PDCD11: variants seen among roughly 807,000 people sequenced by gnomAD.
PDCD11 encodes programmed cell death 11.
A neutral mutation model predicts 198.9 loss-of-function variants in PDCD11; 97 were observed. The observed-to-expected ratio is 0.49, with a 90% CI of 0.41 to 0.58. The LOEUF (loss-of-function observed/expected upper bound fraction) is 0.58, where lower values mean the gene tolerates loss of function less well. PDCD11 is among the 20% of genes least tolerant of loss of function. The pLI, the probability that PDCD11 is intolerant of heterozygous loss-of-function variation, is 0.00. For missense variants in PDCD11, 2,102 were observed against 2,312.7 expected, an observed-to-expected ratio of 0.91 and a Z score of 1.87; for synonymous variants, 893 against 918.0, an observed-to-expected ratio of 0.97 and a Z score of 0.49.
chr10:103,413,415 C>A, intron 9 of PDCD11, 93 bp downstream of exon 9: 1 of 1,017,694 alleles, frequency 9.8e-7, no homozygotes, highest in Non-Finnish European at 1.5e-6. Context: ...TTCCTTGATG[C>A]TAGTTTAAAA....
intron 8 of PDCD11, 76 bp from the exon 9 acceptor site, chr10:103,413,040 C>A: frequency 8.9e-7 from 1 of 1,118,784 alleles, no homozygotes; most frequent in Non-Finnish European, 1.4e-6. Flanking sequence ...TGTGGAAAGG[C>A]TTGATGCCTG....
chr10:103,444,813 C>G, intron 35 of PDCD11, 131 bp downstream of exon 35: 1 of 809,914 alleles, frequency 1.2e-6, no homozygotes, highest in Non-Finnish European at 2.0e-6. Flanking sequence ...TGCCCCAGGC[C>G]CAGTGACATT....
intron 21 of PDCD11, among the ~76,000 whole-genome samples, chr10:103,429,608 A>C (rs1203778960): frequency 6.6e-6 from 1 of 151,892 alleles, no homozygotes; most frequent in African/African-American, 2.4e-5. Context: ...CAGATGAGTA[A>C]TTTTTTACAG....
Position 103,409,793 on chromosome 10 carries a change from T to G in PDCD11, c.965T>G (p.Phe322Cys), listed in dbSNP as rs756493896. ...HLDPKKAGTY[F>C]SNQAVRACIL... is the part of the protein sequence containing the mutation. ...GATCCCAAGAAAGCTGGAACATATT[T>G]CTCAAATCAGGCAGTAAGAAATGTT... Residue 322 changes from phenylalanine (F) to cysteine (C), a missense_variant, in exon 8 of 36, where the codon TTC (phenylalanine) becomes TGC (cysteine). Transcript: ENST00000369797. The G allele has an allele frequency of 6.2e-7, 1 of 1,612,102 alleles. No individual in the cohort carries two copies. The highest frequency in any genetic ancestry group is 1.1e-5 in the South Asian group (1 of 91,030).
chr10:103,401,760 C>T (rs1031632713), intron 3 of PDCD11, among the ~76,000 whole-genome samples: 40 of 150,128 alleles, frequency 2.7e-4, no homozygotes, highest in Non-Finnish European at 2.8e-4. Context: ...TTTTTTGAGA[C>T]GGAGTCTCGC....
At chr10:103,404,962 A>G in intron 4 of PDCD11, 60 bp from the exon 5 acceptor site, 4 of 1,515,600 alleles carry the variant, frequency 2.6e-6, no homozygotes, top group Admixed American at 1.8e-5. Context: ...AAAGCTGGGT[A>G]ATGGATTTTT....
intron 7 of PDCD11, among the ~76,000 whole-genome samples, chr10:103,409,432 A>T (rs1459586933): frequency 1.3e-5 from 2 of 151,894 alleles, no homozygotes; most frequent in East Asian, 1.9e-4. Flanking sequence ...AGCTTCTTCC[A>T]TTCCATGGAG....
chr10:103,416,265 G>A (rs1487265749), intron 12 of PDCD11, among the ~76,000 whole-genome samples: 1 of 152,220 alleles, frequency 6.6e-6, no homozygotes, highest in Non-Finnish European at 1.5e-5. Context: ...TCAGGAGAGG[G>A]TAGTTTGCAG....
At chr10:103,439,125 G>C (rs1215032464) in intron 27 of PDCD11, among the ~76,000 whole-genome samples, 1 of 152,070 alleles carries the variant, frequency 6.6e-6, no homozygotes, top group Non-Finnish European at 1.5e-5. Context: ...TTGCTTTGAA[G>C]GCCAGGAGTT....
intron 16 of PDCD11, among the ~76,000 whole-genome samples, chr10:103,420,058 A>G (rs2031340171): frequency 7.1e-6 from 1 of 141,366 alleles, no homozygotes; most frequent in Admixed American, 7.7e-5. Flanking sequence ...TCGGCCTCCC[A>G]AAGTGCTGCG....
At chr10:103,421,694 G>T (rs987084160) in intron 17 of PDCD11, 127 bp downstream of exon 17, 10 of 684,016 alleles carry the variant, frequency 1.5e-5, no homozygotes, top group Non-Finnish European at 1.5e-5. Flanking sequence ...GCCGGGCGCG[G>T]TGGCTCACGC....
chr10:103,407,130 C>T (rs150848743), intron 7 of PDCD11, among the ~76,000 whole-genome samples: 6 of 152,208 alleles, frequency 3.9e-5, no homozygotes, highest in East Asian at 3.9e-4. Context: ...AGAACTTATC[C>T]GTCATAACCC....
chr10:103,435,746 C>T (rs185747268), intron 25 of PDCD11, among the ~76,000 whole-genome samples: 219 of 152,308 alleles, frequency 1.4e-3, no homozygotes, highest in African/African-American at 5.2e-3. Context: ...CTCCTGACCT[C>T]AGGTGATCTG....
chr10:103,400,317 G>T, intron 2 of PDCD11, 80 bp from the exon 3 acceptor site: 3 of 1,299,206 alleles, frequency 2.3e-6, no homozygotes, highest in South Asian at 1.3e-5. Context: ...CAAGGTGAGT[G>T]ATGACCTGAA....
At chr10:103,438,416 TA>T (rs1327480963) in intron 26 of PDCD11, among the ~76,000 whole-genome samples, 1 of 152,172 alleles carries the variant, frequency 6.6e-6, no homozygotes, top group Non-Finnish European at 1.5e-5. Flanking sequence ...GCTGTATGGT[TA>T]GACATCAATG....
Position 103,444,056 on chromosome 10 carries a change from C to T in PDCD11, c.5266C>T (p.Pro1756Ser). ...RVLQRALECL[P>S]SKEHVDVIAK... ...GCTGCAGCGAGCCCTGGAGTGCCTG[C>T]CTAGCAAGGAGCGTGAGTGCTCATT... Residue 1756 changes from proline to serine, a missense_variant, in exon 34 of 36, where the codon CCT (proline) becomes TCT (serine). Physicochemically the swap from Pro to Ser is moderately conservative, Grantham distance 74. Coordinates refer to ENST00000369797, the MANE Select transcript of PDCD11 (RefSeq NM_014976.2). 6.2e-7 allele frequency: 1 copy of T among 1,611,802 alleles called. No homozygotes were observed. The highest frequency in any genetic ancestry group is 1.3e-5 in the African/African-American group (1 of 74,988).
In PDCD11 at chr10:103,441,812, C is replaced by CT. The variant is rs1483310870; in HGVS notation, c.4558-13dup. 1.2e-6 allele frequency: 2 copies of CT among 1,613,224 alleles called. No homozygotes were observed. Among genetic ancestry groups the CT allele is most frequent in the Non-Finnish European group, 1.7e-6 (2 of 1,179,588 alleles). On this transcript the variant is annotated splice_polypyrimidine_tract_variant and intron_variant, in intron 30 of 35. Coordinates refer to ENST00000369797, the MANE Select transcript of PDCD11 (RefSeq NM_014976.2). ...GAGCCAGGTGCTTTCTTTAGCGCCT[C>CT]TGTGTTCCTCCAGGAGAAGCAAACC...
chr10:103,431,585 C>T (rs1408460645), intron 21 of PDCD11, among the ~76,000 whole-genome samples: 1 of 150,606 alleles, frequency 6.6e-6, no homozygotes, highest in Non-Finnish European at 1.5e-5. Flanking sequence ...AAGCAAGACT[C>T]TGTCTCAAAA....
rs993314002 is a variant in PDCD11 at position 103,444,097 on chromosome 10, C to T, written c.5278+29C>T. ...AGTGCTCATTCCCAGCTCCTGAGCC[C>T]ATGAGCACTCCAGGATCGGGGAGTA... is the stretch of plus-strand genomic sequence containing the variant. On this transcript the variant is annotated intron_variant, in intron 34 of 35. Transcript: ENST00000369797. 5 of 1,598,058 alleles carry T rather than the reference C, an allele frequency of 3.1e-6. No homozygotes were observed. In the Admixed American group the frequency reaches 6.7e-5, roughly 21 times the overall value.
Sources: allele counts gnomAD v4.1 joint callset (sites outside exome capture counted in the v4.1 genomes callset), GRCh38; gene constraint gnomAD v4.1.1; transcripts MANE v1.5; gene names NCBI Gene and HGNC (gene_info 2026-07-23, HGNC 2026-07-21).